REPS2: variants seen among roughly 807,000 people sequenced by gnomAD.
The protein encoded by REPS2 is ralBP1-associated Eps domain-containing protein 2.
A neutral mutation model predicts 53.6 loss-of-function variants in REPS2; 23 were observed. The observed-to-expected ratio is 0.43, with a 90% CI of 0.31 to 0.61. REPS2 has a LOEUF of 0.61. REPS2 is among the 20% of genes least tolerant of loss of function. The pLI is 0.11. For synonymous variants in REPS2, 238 were observed against 218.6 expected, an observed-to-expected ratio of 1.09 and a Z score of -0.78; for missense variants, 446 against 534.9, an observed-to-expected ratio of 0.83 and a Z score of 1.64.
intron 3 of REPS2, among the ~76,000 whole-genome samples, chrX:17,024,363 G>GTT (rs900082438): frequency 0.099 from 7,082 of 71,569 alleles, 400 homozygotes; most frequent in Non-Finnish European, 0.14. Context: ...TACTAGTAAA[G>GTT]TTTTTTTTTT....
intron 1 of REPS2, among the ~76,000 whole-genome samples, chrX:17,000,974 T>C (rs996556225): frequency 2.7e-5 from 3 of 111,993 alleles, no homozygotes; most frequent in Non-Finnish European, 5.6e-5. Flanking sequence ...TGGACCTGGA[T>C]GCATGTAGGT....
At chrX:17,177,247 T>C in the REPS2 span, among the ~76,000 whole-genome samples, 2 of 112,362 alleles carry the variant, frequency 1.8e-5, no homozygotes, top group African/African-American at 6.5e-5. Flanking sequence ...ATTCTTTTGC[T>C]AGCTCCCTTT....
At chrX:17,039,597 A>G (rs2061806583) in intron 5 of REPS2, among the ~76,000 whole-genome samples, 1 of 112,280 alleles carries the variant, frequency 8.9e-6, no homozygotes, top group African/African-American at 3.2e-5. Context: ...TGCAGCAATG[A>G]TTTAGGCATT....
chrX:17,024,915 A>G (rs2061623410), intron 3 of REPS2, 144 bp from the exon 4 acceptor site: 2 of 811,052 alleles, frequency 2.5e-6, no homozygotes, highest in African/African-American at 2.0e-5. Context: ...CTGTTTAACC[A>G]TGCTGCATTT....
At chrX:17,089,857 TTGTG>T (rs1298918644) in intron 13 of REPS2, among the ~76,000 whole-genome samples, 2 of 112,563 alleles carry the variant, frequency 1.8e-5, no homozygotes, top group Non-Finnish European at 3.7e-5. Flanking sequence ...ATACAAGTCT[TTGTG>T]TGAACATATG....
chrX:17,002,759 T>C (rs2061322787), intron 1 of REPS2, among the ~76,000 whole-genome samples: 2 of 111,959 alleles, frequency 1.8e-5, no homozygotes, highest in South Asian at 7.4e-4. Flanking sequence ...GGCTGGAGCA[T>C]CACTGAGGTA....
At chrX:17,089,651 C>G (rs1350034806) in intron 13 of REPS2, among the ~76,000 whole-genome samples, 1 of 112,247 alleles carries the variant, frequency 8.9e-6, no homozygotes, top group Admixed American at 9.5e-5. Flanking sequence ...TTCTGTCTGA[C>G]TTTGTTTACT....
rs2061698146 is a variant in REPS2, at chrX:17,030,649, A to AATAATTTAG, written c.771+1027_771+1035dup. Among the ~76,000 whole-genome samples the AATAATTTAG allele has an allele frequency of 7.1e-5, 8 of 112,388 alleles. 1 individual carries two copies. In the South Asian group the frequency reaches 2.9e-3, roughly 41 times the overall value. ...TGTGTACAAATAATTTCTTAAAGAT[A>AATAATTTAG]ATAATTTAGCCATAGGCTATTTTTT... On this transcript the variant is annotated intron_variant, in intron 5 of 17. Transcript: ENST00000357277.
chrX:16,998,840 C>T (rs143890377), intron 1 of REPS2, among the ~76,000 whole-genome samples: 133 of 112,384 alleles, frequency 1.2e-3, no homozygotes, highest in African/African-American at 3.9e-3. Flanking sequence ...AGCAGTGACA[C>T]CTGCAAAAGT....
intron 14 of REPS2, among the ~76,000 whole-genome samples, chrX:17,132,177 C>G (rs952696826): frequency 2.7e-5 from 3 of 112,040 alleles, no homozygotes; most frequent in Non-Finnish European, 5.6e-5. Context: ...CCCTGACTTT[C>G]AGGAAATGAA....
At chrX:17,138,781 T>C (rs2063406481) in intron 16 of REPS2, 75 bp from the exon 17 acceptor site, 1 of 604,781 alleles carries the variant, frequency 1.7e-6, no homozygotes, top group African/African-American at 2.3e-5. Context: ...ACACCTCTCA[T>C]GAATCAGAGT....
chrX:17,038,540 A>T (rs578136611), intron 5 of REPS2, among the ~76,000 whole-genome samples: 1 of 112,619 alleles, frequency 8.9e-6, no homozygotes, highest in South Asian at 3.6e-4. Flanking sequence ...TTGGCAGCCA[A>T]ATGAAAGCTT....
intron 13 of REPS2, among the ~76,000 whole-genome samples, chrX:17,101,782 C>T (rs2062806597): frequency 9.0e-6 from 1 of 111,723 alleles, no homozygotes; most frequent in Non-Finnish European, 1.9e-5. Context: ...CTTTTGTTGC[C>T]TGATTTTCTA....
chrX:17,118,266 G>C (rs1457785391), intron 14 of REPS2, among the ~76,000 whole-genome samples: 1 of 111,166 alleles, frequency 9.0e-6, no homozygotes, highest in Non-Finnish European at 1.9e-5. Flanking sequence ...GCCGTTTCCT[G>C]ACTTTTTAAT....
chrX:17,101,314 G>C (rs953038533), intron 13 of REPS2, among the ~76,000 whole-genome samples: 1 of 110,217 alleles, frequency 9.1e-6, no homozygotes, highest in Non-Finnish European at 1.9e-5. Context: ...TGCCCGCCTT[G>C]GCCTCCCAAA....
chrX:16,960,655 A>G (rs987883949), intron 1 of REPS2, among the ~76,000 whole-genome samples: 1 of 111,841 alleles, frequency 8.9e-6, no homozygotes, highest in Admixed American at 9.5e-5. Flanking sequence ...ATCAGACAAT[A>G]AAAAGAGATA....
At chrX:17,182,140 GTCTATC>G in the REPS2 span, among the ~76,000 whole-genome samples, 2 of 101,225 alleles carry the variant, frequency 2.0e-5, no homozygotes, top group African/African-American at 7.4e-5. Context: ...TGCTCTATCT[GTCTATC>G]TATCTATCTA....
chrX:16,994,991 C>G (rs1242603899), intron 1 of REPS2, among the ~76,000 whole-genome samples: 1 of 111,785 alleles, frequency 8.9e-6, no homozygotes, highest in Non-Finnish European at 1.9e-5. Flanking sequence ...TAACAGGCAG[C>G]CAAAAGAAAA....
chrX:17,023,367 G>T (rs2061598990), intron 3 of REPS2, among the ~76,000 whole-genome samples: 2 of 108,864 alleles, frequency 1.8e-5, no homozygotes, highest in Admixed American at 9.8e-5. Flanking sequence ...GGCGGAGATT[G>T]CAGTGAGCCG....
Sources: gnomAD v4.1 joint callset for allele counts (sites outside exome capture counted in the v4.1 genomes callset) on GRCh38, gnomAD v4.1.1 for gene constraint, MANE v1.5 for transcripts, NCBI Gene and HGNC (gene_info 2026-07-23, HGNC 2026-07-21) for gene names.